RHOBTB3: variants seen among roughly 807,000 people sequenced by gnomAD.
The protein encoded by RHOBTB3 is rho-related BTB domain-containing protein 3.
A neutral mutation model predicts 67.2 loss-of-function variants in RHOBTB3; 47 were observed. That is an observed-to-expected ratio of 0.70 (90% confidence interval 0.55 to 0.89). RHOBTB3 has a LOEUF of 0.89. Ranked by LOEUF, RHOBTB3 falls within the 40% of genes least tolerant of loss-of-function variation. The probability of loss-of-function intolerance (pLI) is 0.00; values close to 1 mark genes in which losing one functional copy is unlikely to be tolerated. For missense variants in RHOBTB3, 631 were observed against 750.0 expected (o/e 0.84, Z 1.85); for synonymous variants, 273 against 274.2 (o/e 1.00, Z 0.04).
At chr5:95,777,668 ACT>A (rs1414581110) in intron 8 of RHOBTB3, among the ~76,000 whole-genome samples, 32 of 152,244 alleles carry the variant, frequency 2.1e-4, no homozygotes, top group African/African-American at 7.7e-4. Flanking sequence ...ATCTAACCAT[ACT>A]AAGGTATTGT....
chr5:95,746,752 T>C (rs1744928212), intron 3 of RHOBTB3, among the ~76,000 whole-genome samples: 1 of 152,170 alleles, frequency 6.6e-6, no homozygotes, highest in Non-Finnish European at 1.5e-5. Context: ...AAAAGCCACA[T>C]AACCTCTCTG....
At chr5:95,774,974 G>C (rs1270578923) in intron 8 of RHOBTB3, among the ~76,000 whole-genome samples, 1 of 152,134 alleles carries the variant, frequency 6.6e-6, no homozygotes, top group Non-Finnish European at 1.5e-5. Flanking sequence ...TCTTGAAACA[G>C]TGTTGTATTT....
At chr5:95,734,912 ACT>A (rs1477840294) in intron 2 of RHOBTB3, among the ~76,000 whole-genome samples, 1 of 152,038 alleles carries the variant, frequency 6.6e-6, no homozygotes, top group African/African-American at 2.4e-5. Context: ...CTCTCCAGTA[ACT>A]CTGGAATTTT....
chr5:95,793,256 C>A lies in RHOBTB3; in HGVS notation c.*82C>A. On this transcript the variant is annotated 3_prime_UTR_variant, in exon 12 of 12. Transcript: ENST00000379982. ...CCAGGTTCCAGTAAAATTCTTCTGA[C>A]CGAAACCAATGTGGGTGTTAGAAAA... The A allele has an allele frequency of 3.4e-6, 3 of 887,746 alleles. No homozygotes were observed. Among genetic ancestry groups the A allele is most frequent in the African/African-American group, 3.5e-5 (2 of 57,766 alleles). The allele number at this position is 887,746 out of a possible 1,614,324, so 55.0% of individuals were successfully genotyped here. A position where few individuals can be genotyped will look rare whatever the true frequency, so the allele number is the denominator to read the frequency against.
chr5:95,778,433 T>C (rs1745955151), intron 8 of RHOBTB3, among the ~76,000 whole-genome samples: 1 of 152,072 alleles, frequency 6.6e-6, no homozygotes, highest in Non-Finnish European at 1.5e-5. Flanking sequence ...TTCCACTCTC[T>C]GTTGGTTCGA....
intron 8 of RHOBTB3, among the ~76,000 whole-genome samples, chr5:95,773,632 T>C (rs1244395465): frequency 1.3e-5 from 2 of 152,340 alleles, no homozygotes; most frequent in East Asian, 3.9e-4. Flanking sequence ...AGGTTCTTTT[T>C]AGTGTTAAGA....
intron 6 of RHOBTB3, 22 bp downstream of exon 6, chr5:95,755,783 G>A: frequency 6.2e-7 from 1 of 1,610,504 alleles, no homozygotes; most frequent in East Asian, 2.2e-5. Flanking sequence ...AGTGGTTCTG[G>A]TTACTTACAA....
chr5:95,719,828 A>G (rs1754810701), intron 1 of RHOBTB3: 1 of 152,232 alleles, frequency 6.6e-6, no homozygotes, highest in Non-Finnish European at 1.5e-5. Context: ...AATTGGCTTA[A>G]TGCAGTTTGC....
In RHOBTB3 at chr5:95,793,698, G is replaced by C. The variant is rs1327509022; in HGVS notation, c.*524G>C. 1 of 229,358 alleles carries C rather than the reference G, an allele frequency of 4.4e-6. No individual in the cohort carries two copies. Among genetic ancestry groups the C allele is most frequent in the African/African-American group, 2.3e-5 (1 of 43,812 alleles). The allele number at this position is 229,358 out of a possible 1,614,324, so 14.2% of individuals were successfully genotyped here. Reference sequence around the variant, plus strand: ...CACTTAGTTCTCAATTGATGACAGTGTTTGAATCATCATAAAAAAAATACC... The same window carrying C: ...CACTTAGTTCTCAATTGATGACAGTCTTTGAATCATCATAAAAAAAATACC... On this transcript the variant is annotated 3_prime_UTR_variant, in exon 12 of 12. Coordinates refer to ENST00000379982, the MANE Select transcript of RHOBTB3 (RefSeq NM_014899.4).
intron 7 of RHOBTB3, among the ~76,000 whole-genome samples, 182 bp downstream of exon 7, chr5:95,763,802 T>TTTTGTG (rs1745460451): frequency 6.7e-6 from 1 of 148,862 alleles, no homozygotes; most frequent in African/African-American, 2.5e-5. Flanking sequence ...GTATCTTAGA[T>TTTTGTG]TGTGTGTGTG....
In RHOBTB3 at chr5:95,752,322, A is replaced by G. The variant is rs1015217475; in HGVS notation, c.654A>G (p.Gly218=). The part of the protein sequence containing the change: ...KKRKMSNSFH[G]IRPPQLEQPE... ...GAAAAATGAGCAACTCCTTTCATGG[A>G]ATTAGACCACCTCAACTTGAACAAC... is the stretch of plus-strand genomic sequence containing the variant. The change falls in exon 5 of 12, where the codon GGA becomes GGG. Residue 218 remains glycine, a synonymous_variant. Transcript: ENST00000379982. The G allele has an allele frequency of 6.2e-7, 1 of 1,606,688 alleles. No individual in the cohort carries two copies.
In RHOBTB3 at chr5:95,725,494, G is replaced by A. The variant is rs544681680; in HGVS notation, n.134-6365G>A. Among the ~76,000 whole-genome samples, 4 of 152,370 alleles carry A rather than the reference G, an allele frequency of 2.6e-5. No individual in the cohort carries two copies. In the South Asian group the frequency reaches 6.2e-4, roughly 24 times the overall value. Reference sequence around the variant, plus strand: ...GGGCGTCATGTGTGCACACACACAAGCGCACGCCTTTGCGTGAGCCCTGAG... The same window carrying A: ...GGGCGTCATGTGTGCACACACACAAACGCACGCCTTTGCGTGAGCCCTGAG... On this transcript the variant is annotated intron_variant and non_coding_transcript_variant, in intron 1 of 5. Transcript: ENST00000504949.
In RHOBTB3 at chr5:95,754,376, G is replaced by T. The variant is rs1346583273; in HGVS notation, c.683-1020G>T. 2.0e-5 allele frequency among the ~76,000 whole-genome samples: 3 copies of T among 152,206 alleles called. No individual in the cohort carries two copies. In the East Asian group the frequency reaches 5.8e-4, roughly 29 times the overall value. ...CACATGGCATTTAGGGTTCTGTAAA[G>T]GGGCCACAGGCAGTAGAAGGGAGGA... On this transcript the variant is annotated intron_variant, in intron 5 of 11. Transcript: ENST00000379982.
chr5:95,755,121 T>C (rs949277684), intron 5 of RHOBTB3, among the ~76,000 whole-genome samples: 5 of 152,216 alleles, frequency 3.3e-5, no homozygotes, highest in African/African-American at 1.2e-4. Flanking sequence ...TCATTTGCTC[T>C]ATAAAATGTA....
chr5:95,743,859 C>A (rs547740588), intron 3 of RHOBTB3, among the ~76,000 whole-genome samples: 1 of 151,914 alleles, frequency 6.6e-6, no homozygotes, highest in Non-Finnish European at 1.5e-5. Context: ...TAGGTATGAA[C>A]CACCATGCCT....
intron 5 of RHOBTB3, among the ~76,000 whole-genome samples, chr5:95,753,452 A>C (rs570136059): frequency 6.6e-6 from 1 of 152,296 alleles, no homozygotes; most frequent in Admixed American, 6.5e-5. Flanking sequence ...AAATTATATC[A>C]ACTGTTATCA....
rs1181325193 is a variant in RHOBTB3, at chr5:95,793,665, T to C, written c.*491T>C. 5.4e-6 allele frequency: 1 copy of C among 186,198 alleles called. No homozygotes were observed. The highest frequency in any genetic ancestry group is 1.1e-5 in the Non-Finnish European group (1 of 87,754). The allele number at this position is 186,198 out of a possible 1,614,324, so 11.5% of individuals were successfully genotyped here. A position where few individuals can be genotyped will look rare whatever the true frequency, so the allele number is the denominator to read the frequency against. On this transcript the variant is annotated 3_prime_UTR_variant, in exon 12 of 12. Coordinates refer to ENST00000379982, the MANE Select transcript of RHOBTB3 (RefSeq NM_014899.4). The stretch of plus-strand genomic sequence containing the variant: ...AGAAATTTGCCGGCCATTTGGAAAG[T>C]GAAATGCCACTTAGTTCTCAATTGA...
At chr5:95,742,393 T>C (rs539767124) in intron 3 of RHOBTB3, among the ~76,000 whole-genome samples, 4 of 152,216 alleles carry the variant, frequency 2.6e-5, no homozygotes, top group African/African-American at 9.6e-5. Flanking sequence ...CCCTGCCTTA[T>C]GTATCAGTCA....
intron 6 of RHOBTB3, among the ~76,000 whole-genome samples, chr5:95,761,799 C>T (rs1253813353): frequency 6.6e-6 from 1 of 152,108 alleles, no homozygotes; most frequent in East Asian, 1.9e-4. Context: ...TTTTATTGAT[C>T]TGGGATCCAT....
Sources: gnomAD v4.1 joint callset for allele counts (sites outside exome capture counted in the v4.1 genomes callset) on GRCh38, gnomAD v4.1.1 for gene constraint, MANE v1.5 for transcripts, NCBI Gene and HGNC (gene_info 2026-07-23, HGNC 2026-07-21) for gene names.